UTRN: variants seen among roughly 807,000 people sequenced by gnomAD.
UTRN encodes the protein utrophin, also known as dystrophin-related protein 1.
Under a neutral mutation model 463.9 loss-of-function variants are expected in UTRN, and 283 were observed. That is an observed-to-expected ratio of 0.61 (90% CI 0.55 to 0.67). The LOEUF (loss-of-function observed/expected upper bound fraction) is 0.67. Ranked by LOEUF, UTRN falls within the 30% of genes least tolerant of loss-of-function variation. The pLI is 0.00. For synonymous variants in UTRN, 1,442 were observed against 1,431.5 expected, an observed-to-expected ratio of 1.01 and a Z score of -0.17; for missense variants, 3,922 against 4,084.3, an observed-to-expected ratio of 0.96 and a Z score of 1.08.
At chr6:144,699,384 G>A (rs1289935500) in intron 52 of UTRN, among the ~76,000 whole-genome samples, 2 of 149,986 alleles carry the variant, frequency 1.3e-5, no homozygotes, top group Non-Finnish European at 2.9e-5. Flanking sequence ...AGGTCGCAGT[G>A]AGCCGAGATT....
intron 2 of UTRN, 85 bp downstream of exon 2, chr6:144,291,992 C>A: frequency 1.5e-6 from 2 of 1,346,140 alleles, no homozygotes; most frequent in Non-Finnish European, 2.0e-6. Context: ...ATTGTTCTTG[C>A]AAGAACTTCT....
intron 65 of UTRN, among the ~76,000 whole-genome samples, chr6:144,820,578 T>C (rs563217268): frequency 1.3e-5 from 2 of 152,198 alleles, no homozygotes; most frequent in African/African-American, 2.4e-5. Flanking sequence ...TTGGAAAAAT[T>C]AGTTTGGAAA....
chr6:144,736,141 A>G lies in UTRN; in HGVS notation c.7939+5655A>G, dbSNP rs60275552. Among the ~76,000 whole-genome samples the G allele has an allele frequency of 2.6e-3, 396 of 152,318 alleles. 1 individual carries two copies. Among genetic ancestry groups the G allele is most frequent in the African/African-American group, 9.0e-3 (373 of 41,564 alleles). The stretch of plus-strand genomic sequence containing the variant: ...CAATGGCTGGTTTTACTTGTTAAAA[A>G]TAAATCGAAGAAAACTATCCATAAT... On this transcript the variant is annotated intron_variant, in intron 54 of 74. Transcript: ENST00000367545.
At chr6:144,825,867 A>G (rs1780130016) in intron 66 of UTRN, among the ~76,000 whole-genome samples, 1 of 151,942 alleles carries the variant, frequency 6.6e-6, no homozygotes, top group Non-Finnish European at 1.5e-5. Context: ...TATTGTATCT[A>G]TTTTACACAT....
chr6:144,678,982 T>C (rs1781939373), intron 52 of UTRN, among the ~76,000 whole-genome samples: 1 of 152,120 alleles, frequency 6.6e-6, no homozygotes, highest in African/African-American at 2.4e-5. Context: ...AGAGGTTTAA[T>C]GAATATAAGG....
At chr6:144,316,926 A>G (rs997608096) in intron 2 of UTRN, among the ~76,000 whole-genome samples, 2 of 152,038 alleles carry the variant, frequency 1.3e-5, no homozygotes, top group African/African-American at 2.4e-5. Context: ...GCAAAAATCA[A>G]CAACAATGCA....
At chr6:144,797,639 C>T (rs1777345216) in intron 63 of UTRN, 185 bp from the exon 64 acceptor site, 1 of 506,676 alleles carries the variant, frequency 2.0e-6, no homozygotes, top group Non-Finnish European at 3.2e-6. Context: ...TCTGCTTTTT[C>T]TACTCATAAG....
At chr6:144,763,410 A>AC (rs1247439279) in intron 58 of UTRN, among the ~76,000 whole-genome samples, 2 of 152,110 alleles carry the variant, frequency 1.3e-5, no homozygotes, top group Non-Finnish European at 2.9e-5. Flanking sequence ...TCCCAAGGCC[A>AC]CCCTCTACCT....
intron 2 of UTRN, among the ~76,000 whole-genome samples, chr6:144,402,476 CT>C (rs1011079249): frequency 6.6e-6 from 1 of 151,866 alleles, no homozygotes; most frequent in African/African-American, 2.4e-5. Context: ...AGTAACTTTT[CT>C]TTTTTTTATG....
chr6:144,825,669 C>A (rs973905853), intron 66 of UTRN, among the ~76,000 whole-genome samples: 30 of 152,072 alleles, frequency 2.0e-4, no homozygotes, highest in African/African-American at 6.8e-4. Flanking sequence ...AAAAAATACA[C>A]ACTTTTCTTC....
intron 2 of UTRN, among the ~76,000 whole-genome samples, chr6:144,344,570 CTA>C (rs1562272509): frequency 2.0e-5 from 3 of 152,190 alleles, no homozygotes. Context: ...TCCAGGATCC[CTA>C]TATTTGTGGT....
chr6:144,766,158 C>T (rs1413060888), intron 58 of UTRN, among the ~76,000 whole-genome samples: 1 of 151,936 alleles, frequency 6.6e-6, no homozygotes, highest in East Asian at 1.9e-4. Flanking sequence ...AGCACGTGCA[C>T]AGAGTGAGAA....
intron 2 of UTRN, among the ~76,000 whole-genome samples, chr6:144,372,919 G>A (rs1274141671): frequency 6.6e-6 from 1 of 152,044 alleles, no homozygotes; most frequent in African/African-American, 2.4e-5. Flanking sequence ...ATGAAAAGAT[G>A]GTCAACATCA....
At chr6:144,742,271 C>T (rs117863840) in intron 54 of UTRN, among the ~76,000 whole-genome samples, 406 of 152,062 alleles carry the variant, frequency 2.7e-3, no homozygotes, top group Non-Finnish European at 4.4e-3. Context: ...ACTAATCAGC[C>T]GTGGCACTTG....
chr6:144,514,485 C>G (rs1341048876), intron 36 of UTRN, among the ~76,000 whole-genome samples, 165 bp from the exon 37 acceptor site: 1 of 152,192 alleles, frequency 6.6e-6, no homozygotes, highest in Non-Finnish European at 1.5e-5. Flanking sequence ...TCTGTGTTCT[C>G]CAATGAGTCC....
intron 2 of UTRN, among the ~76,000 whole-genome samples, chr6:144,401,236 T>G (rs1782913023): frequency 6.6e-6 from 1 of 152,208 alleles, no homozygotes; most frequent in Non-Finnish European, 1.5e-5. Context: ...ATAACAAGAT[T>G]TATGAAAATA....
At chr6:144,562,468 T>C (rs1039409643) in intron 50 of UTRN, among the ~76,000 whole-genome samples, 1 of 152,164 alleles carries the variant, frequency 6.6e-6, no homozygotes, top group African/African-American at 2.4e-5. Flanking sequence ...GGTTTTCTGT[T>C]CCTGCATTAG....
intron 60 of UTRN, among the ~76,000 whole-genome samples, chr6:144,780,329 A>C (rs1157286917): frequency 6.6e-6 from 1 of 152,130 alleles, no homozygotes; most frequent in Admixed American, 6.5e-5. Context: ...GTGTATATAT[A>C]ACCAACTATT....
intron 51 of UTRN, among the ~76,000 whole-genome samples, chr6:144,605,769 A>G (rs1022742012): frequency 1.3e-5 from 2 of 151,248 alleles, no homozygotes; most frequent in Non-Finnish European, 2.9e-5. Flanking sequence ...TCAGATTTTC[A>G]TAGTATAAAT....
Sources: allele counts gnomAD v4.1 joint callset (sites outside exome capture counted in the v4.1 genomes callset), GRCh38; gene constraint gnomAD v4.1.1; transcripts MANE v1.5; gene names NCBI Gene and HGNC (gene_info 2026-07-23, HGNC 2026-07-21).